METTL9: variants seen among roughly 807,000 people sequenced by gnomAD.
METTL9 encodes protein-L-histidine N-pros-methyltransferase.
In METTL9, 10 loss-of-function variants were observed where a neutral mutation model predicts 36.0. The ratio of observed to expected loss-of-function variants is 0.28; its 90% CI spans 0.17 to 0.47. The LOEUF (loss-of-function observed/expected upper bound fraction) is 0.47. METTL9 is among the 20% of genes least tolerant of loss of function. METTL9 has a pLI of 0.99. For missense variants in METTL9, 246 were observed against 383.5 expected, an observed-to-expected ratio of 0.64 and a Z score of 3.00; for synonymous variants, 175 against 149.7, an observed-to-expected ratio of 1.17 and a Z score of -1.23.
At position 21,655,576 on chromosome 16, in the gene METTL9, T is replaced by A; in HGVS notation, c.*144T>A. 1.5e-6 allele frequency: 1 copy of A among 688,664 alleles called. No individual in the cohort carries two copies. Among genetic ancestry groups the A allele is most frequent in the Non-Finnish European group, 2.4e-6 (1 of 413,782 alleles). 42.7% of individuals were successfully genotyped at this position (688,664 alleles called of 1,614,324 possible). A position where few individuals can be genotyped will look rare whatever the true frequency, so the allele number is the denominator to read the frequency against. On this transcript the variant is annotated 3_prime_UTR_variant, in exon 5 of 5. Transcript: ENST00000358154. ...GTAGGAATTTAAAAAGCCAAAATACTAATTATTTCTTTGTAGTGTGTAAAG... is the reference window on the plus strand; with the variant it reads ...GTAGGAATTTAAAAAGCCAAAATACAAATTATTTCTTTGTAGTGTGTAAAG...
chr16:21,624,485 G>A (rs1209016943), intron 3 of METTL9, among the ~76,000 whole-genome samples: 5 of 152,112 alleles, frequency 3.3e-5, no homozygotes, highest in African/African-American at 9.7e-5. Context: ...CCAGCACTTT[G>A]GGAGGCCGAG....
At chr16:21,646,820 T>A (rs1966441316) in intron 4 of METTL9, 1 of 362,982 alleles carries the variant, frequency 2.8e-6, no homozygotes, top group Non-Finnish European at 5.4e-6. Flanking sequence ...CATGCGCGGC[T>A]AATTTTTGTA....
intron 4 of METTL9, chr16:21,639,728 C>G (rs1209293313): frequency 6.6e-6 from 1 of 152,138 alleles, no homozygotes; most frequent in Non-Finnish European, 1.5e-5. Context: ...CACACAGATA[C>G]ACACAAAAAA....
intron 1 of METTL9, among the ~76,000 whole-genome samples, chr16:21,603,131 T>G (rs1330372270): frequency 1.3e-5 from 2 of 151,708 alleles, no homozygotes; most frequent in African/African-American, 4.8e-5. Context: ...CCCAGCTTCC[T>G]TAACAAACAG....
chr16:21,655,149 G>T, intron 4 of METTL9, 78 bp from the exon 5 acceptor site: 2 of 1,331,078 alleles, frequency 1.5e-6, no homozygotes, highest in Non-Finnish European at 2.1e-6. Flanking sequence ...GTCCTTGGTA[G>T]ATATGGCTCC....
chr16:21,636,604 T>C (rs545675201), intron 4 of METTL9, among the ~76,000 whole-genome samples: 1 of 152,258 alleles, frequency 6.6e-6, no homozygotes, highest in South Asian at 2.1e-4. Context: ...AACCAACTTC[T>C]TGTTGGGACC....
intron 4 of METTL9, among the ~76,000 whole-genome samples, chr16:21,650,380 C>T (rs765626535): frequency 3.3e-5 from 5 of 151,698 alleles, no homozygotes; most frequent in Admixed American, 6.6e-5. Context: ...TGGTGGTGGA[C>T]GCCTGTAATC....
At chr16:21,606,161 C>G (rs982870707) in intron 1 of METTL9, among the ~76,000 whole-genome samples, 5 of 152,032 alleles carry the variant, frequency 3.3e-5, no homozygotes, top group Non-Finnish European at 7.4e-5. Flanking sequence ...AGGGTGAAAC[C>G]TGGTCTCTAC....
intron 4 of METTL9, among the ~76,000 whole-genome samples, chr16:21,630,512 C>T (rs937157428): frequency 6.6e-6 from 1 of 152,208 alleles, no homozygotes; most frequent in Non-Finnish European, 1.5e-5. Flanking sequence ...CTCTCAATCC[C>T]CCGTCTAAAC....
chr16:21,600,613 C>T (rs1222455532), intron 1 of METTL9, among the ~76,000 whole-genome samples: 2 of 152,076 alleles, frequency 1.3e-5, no homozygotes, highest in African/African-American at 4.8e-5. Flanking sequence ...TAAAACAGAA[C>T]GGGACGGGAG....
intron 4 of METTL9, chr16:21,641,430 G>GT (rs1966265297): frequency 5.4e-6 from 3 of 550,546 alleles, no homozygotes; most frequent in Non-Finnish European, 9.4e-6. Flanking sequence ...TGTCTTTTCA[G>GT]TTTACCTTTA....
At chr16:21,645,694 C>A (rs1466542199) in intron 4 of METTL9, among the ~76,000 whole-genome samples, 3 of 152,124 alleles carry the variant, frequency 2.0e-5, no homozygotes, top group Admixed American at 6.6e-5. Flanking sequence ...AGCTTTGAGA[C>A]CTTCATCTTT....
intron 4 of METTL9, among the ~76,000 whole-genome samples, chr16:21,645,714 A>AT (rs1054615750): frequency 2.0e-5 from 3 of 152,120 alleles, no homozygotes; most frequent in Non-Finnish European, 4.4e-5. Context: ...TTTACAAGCC[A>AT]TTTTTCCCTT....
chr16:21,603,242 C>T (rs1297867684), intron 1 of METTL9, among the ~76,000 whole-genome samples: 3 of 151,776 alleles, frequency 2.0e-5, no homozygotes, highest in African/African-American at 2.4e-5. Context: ...TGGGTTCAAG[C>T]GGTTCTCATG....
At chr16:21,653,136 C>G (rs775798659) in intron 4 of METTL9, 1 of 152,216 alleles carries the variant, frequency 6.6e-6, no homozygotes, top group Non-Finnish European at 1.5e-5. Flanking sequence ...TGCCTTCCCC[C>G]CTTTTTTGAC....
chr16:21,603,181 C>G (rs886565129), intron 1 of METTL9, among the ~76,000 whole-genome samples: 4 of 151,874 alleles, frequency 2.6e-5, no homozygotes, highest in Admixed American at 2.0e-4. Context: ...ACTGTGTCAC[C>G]CAGGCTGGAG....
chr16:21,650,508 C>CAA (rs3046229), intron 4 of METTL9, among the ~76,000 whole-genome samples: 30,138 of 89,522 alleles, frequency 0.34, 4,212 homozygotes, highest in Middle Eastern at 0.45. Context: ...ACTCTTGTCT[C>CAA]AAAAAAAAAA....
intron 1 of METTL9, among the ~76,000 whole-genome samples, chr16:21,608,603 C>T (rs994380622): frequency 1.3e-5 from 2 of 152,194 alleles, no homozygotes; most frequent in South Asian, 2.1e-4. Context: ...GCAGTTTTGC[C>T]TCCCAGGGGA....
rs80143869 is a variant in METTL9 at position 21,619,347 on chromosome 16, G to A, written c.566+1273G>A. On this transcript the variant is annotated intron_variant, in intron 3 of 4. Coordinates refer to ENST00000358154, the MANE Select transcript of METTL9 (RefSeq NM_016025.5). The stretch of plus-strand genomic sequence containing the variant: ...GACAATACTTGCTATTTTCTGTTTT[G>A]TTTTGCTTTTAGTTTATAGTCATCA... Among the ~76,000 whole-genome samples the A allele has an allele frequency of 8.9e-3, 1,348 of 151,696 alleles. 48 individuals carry two copies. The highest frequency in any genetic ancestry group is 0.083 in the East Asian group (428 of 5,162).
Sources: allele counts gnomAD v4.1 joint callset (sites outside exome capture counted in the v4.1 genomes callset), GRCh38; gene constraint gnomAD v4.1.1; transcripts MANE v1.5; gene names NCBI Gene and HGNC (gene_info 2026-07-23, HGNC 2026-07-21).